CACNA2D2: variants seen among roughly 807,000 people sequenced by gnomAD.
CACNA2D2 encodes calcium voltage-gated channel auxiliary subunit alpha2delta 2, also known as voltage-dependent calcium channel subunit alpha-2/delta-2.
CACNA2D2 carries 48 observed loss-of-function variants against 166.4 expected under a neutral mutation model. The observed-to-expected ratio is 0.29, with a 90% CI of 0.23 to 0.37. The LOEUF (loss-of-function observed/expected upper bound fraction) is 0.37, where lower values mean the gene tolerates loss of function less well. Ranked by LOEUF, CACNA2D2 falls within the 10% of genes least tolerant of loss-of-function variation. The probability of loss-of-function intolerance (pLI) is 1.00; values close to 1 mark genes in which losing one functional copy is unlikely to be tolerated. For missense variants in CACNA2D2, 1,122 were observed against 1,433.0 expected (o/e 0.78, Z 3.50); for synonymous variants, 561 against 573.7 (o/e 0.98, Z 0.32).
chr3:50,364,486 G>T lies in CACNA2D2; in HGVS notation c.*180C>A. 2 of 703,956 alleles carry T rather than the reference G, an allele frequency of 2.8e-6. No individual in the cohort carries two copies. Among genetic ancestry groups the T allele is most frequent in the Non-Finnish European group, 2.3e-6 (1 of 437,416 alleles). 43.6% of individuals were successfully genotyped at this position (703,956 alleles called of 1,614,324 possible). A position where few individuals can be genotyped will look rare whatever the true frequency, so the allele number is the denominator to read the frequency against. On this transcript the variant is annotated 3_prime_UTR_variant, in exon 38 of 38. Transcript: ENST00000424201. ...GATGTGATTTGGGTGCCAAACACCT[G>T]CGGCGTCCCGCTTTGGGACTCCCCA... is the stretch of plus-strand genomic sequence containing the variant.
chr3:50,394,010 G>T, intron 4 of CACNA2D2, 99 bp downstream of exon 4: 2 of 1,038,606 alleles, frequency 1.9e-6, no homozygotes, highest in Non-Finnish European at 3.0e-6. Flanking sequence ...AGACCCCTCT[G>T]TGTCCCTCAT....
chr3:50,397,364 G>C (rs766387018), intron 3 of CACNA2D2, among the ~76,000 whole-genome samples: 28 of 152,318 alleles, frequency 1.8e-4, no homozygotes, highest in Non-Finnish European at 3.5e-4. Context: ...GCCCGGTGGT[G>C]GGGGAGGAAG....
chr3:50,370,942 A>G (rs1704627836), intron 22 of CACNA2D2, among the ~76,000 whole-genome samples: 1 of 152,166 alleles, frequency 6.6e-6, no homozygotes, highest in Non-Finnish European at 1.5e-5. Flanking sequence ...AGGCATCAAC[A>G]TGGCCAAACC....
At chr3:50,416,950 G>A (rs374538818) in intron 3 of CACNA2D2, among the ~76,000 whole-genome samples, 43 of 152,306 alleles carry the variant, frequency 2.8e-4, no homozygotes, top group African/African-American at 9.9e-4. Context: ...TCCCATTCAC[G>A]TGTGTGTGCA....
Position 50,503,507 on chromosome 3 carries a change from G to A in CACNA2D2, c.-84C>T, listed in dbSNP as rs1256487895. On this transcript the variant is annotated 5_prime_UTR_variant, in exon 1 of 38. Coordinates refer to ENST00000424201, the MANE Select transcript of CACNA2D2 (RefSeq NM_006030.4). ...CGGCGGGGTTGGGGGGGCGCGGGCG[G>A]CGGGCGGTAACTCGGCCTCTCCTCC... The A allele has an allele frequency of 5.8e-6, 1 of 170,982 alleles. No homozygotes were observed. Among genetic ancestry groups the A allele is most frequent in the Non-Finnish European group, 1.2e-5 (1 of 81,474 alleles). The allele number at this position is 170,982 out of a possible 1,614,324, so 10.6% of individuals were successfully genotyped here.
At chr3:50,499,636 C>T (rs1698872730) in intron 1 of CACNA2D2, among the ~76,000 whole-genome samples, 1 of 152,208 alleles carries the variant, frequency 6.6e-6, no homozygotes, top group Non-Finnish European at 1.5e-5. Flanking sequence ...GCTGGCAGTG[C>T]CCACCTGCAC....
chr3:50,463,164 C>T (rs1281936689), intron 2 of CACNA2D2, among the ~76,000 whole-genome samples: 1 of 152,218 alleles, frequency 6.6e-6, no homozygotes, highest in Non-Finnish European at 1.5e-5. Flanking sequence ...GATCCCTGGT[C>T]AGGGGTCCCA....
chr3:50,502,992 T>C (rs1699045228), intron 1 of CACNA2D2, among the ~76,000 whole-genome samples: 2 of 151,852 alleles, frequency 1.3e-5, no homozygotes, highest in African/African-American at 4.8e-5. Context: ...ATTCGGGGGA[T>C]TTGGGGGAAG....
rs939596573 is a variant in CACNA2D2, at chr3:50,397,539, A to C, written c.406-3371T>G. ...GCCCCCGAGTCCTGGCCTGGGTTCA[A>C]AGCTTGACTTTCTTGGAGCAGGGTC... On this transcript the variant is annotated intron_variant, in intron 3 of 37. Transcript: ENST00000424201. Among the ~76,000 whole-genome samples, 4 of 152,210 alleles carry C rather than the reference A, an allele frequency of 2.6e-5. No individual in the cohort carries two copies. In the East Asian group the frequency reaches 7.7e-4, roughly 29 times the overall value.
chr3:50,503,464 TGGC>T lies in CACNA2D2; in HGVS notation c.-44_-42del, dbSNP rs530076217. On this transcript the variant is annotated 5_prime_UTR_variant, in exon 1 of 38. Coordinates refer to ENST00000424201, the MANE Select transcript of CACNA2D2 (RefSeq NM_006030.4). ...GCGGCGCCGCGGGGAGGGGGGGCAG[TGGC>T]GGCGGCGGCGGCGGCGGCGGGGTTG... 43 of 74,190 alleles carry T rather than the reference TGGC, an allele frequency of 5.8e-4. No individual in the cohort carries two copies. Among genetic ancestry groups the T allele is most frequent in the East Asian group, 1.1e-3 (3 of 2,742 alleles). The allele number at this position is 74,190 out of a possible 1,614,324, so 4.6% of individuals were successfully genotyped here.
chr3:50,499,375 C>A (rs917666146), intron 1 of CACNA2D2, among the ~76,000 whole-genome samples: 1 of 152,230 alleles, frequency 6.6e-6, no homozygotes, highest in Non-Finnish European at 1.5e-5. Flanking sequence ...AACATCTGGG[C>A]TTAATGCTAA....
chr3:50,407,547 C>T (rs1366644078), intron 3 of CACNA2D2, among the ~76,000 whole-genome samples: 1 of 152,182 alleles, frequency 6.6e-6, no homozygotes, highest in Non-Finnish European at 1.5e-5. Flanking sequence ...GGACCTGGGA[C>T]TGGGCAGACA....
intron 5 of CACNA2D2, among the ~76,000 whole-genome samples, chr3:50,385,847 A>G (rs1020674204): frequency 6.6e-6 from 1 of 152,208 alleles, no homozygotes; most frequent in African/African-American, 2.4e-5. Context: ...AAGCCCCCGA[A>G]ATGTCAGCGG....
intron 2 of CACNA2D2, among the ~76,000 whole-genome samples, chr3:50,449,966 T>G (rs971920923): frequency 6.6e-6 from 1 of 152,064 alleles, no homozygotes; most frequent in African/African-American, 2.4e-5. Context: ...GGGGACATAG[T>G]GGGAGGTGAG....
intron 3 of CACNA2D2, among the ~76,000 whole-genome samples, chr3:50,410,810 C>T (rs556996160): frequency 1.1e-4 from 17 of 152,338 alleles, no homozygotes; most frequent in African/African-American, 3.4e-4. Context: ...GAGGAGGTTT[C>T]TTCCATCTGA....
At position 50,364,457 on chromosome 3, in the gene CACNA2D2, G is replaced by A. The variant is rs1413514771; in HGVS notation, c.*209C>T. 8.1e-6 allele frequency: 5 copies of A among 615,544 alleles called. No individual in the cohort carries two copies. The highest frequency in any genetic ancestry group is 3.7e-5 in the African/African-American group (2 of 54,110). The allele number at this position is 615,544 out of a possible 1,614,324, so 38.1% of individuals were successfully genotyped here. On this transcript the variant is annotated 3_prime_UTR_variant, in exon 38 of 38. Coordinates refer to ENST00000424201, the MANE Select transcript of CACNA2D2 (RefSeq NM_006030.4). ...CTGGGGACACTTGAACAGTTCGGAGGTGAGATGTGATTTGGGTGCCAAACA... is the reference window on the plus strand; with the variant it reads ...CTGGGGACACTTGAACAGTTCGGAGATGAGATGTGATTTGGGTGCCAAACA...
At chr3:50,382,023 A>ACACACACACACAC (rs1559894140) in intron 6 of CACNA2D2, among the ~76,000 whole-genome samples, 2 of 117,192 alleles carry the variant, frequency 1.7e-5, no homozygotes, top group African/African-American at 8.1e-5. Context: ...CACACACACA[A>ACACACACACACAC]ACAAGGCTCC....
intron 1 of CACNA2D2, among the ~76,000 whole-genome samples, chr3:50,502,419 T>C (rs774244369): frequency 1.3e-5 from 2 of 152,200 alleles, no homozygotes; most frequent in Admixed American, 6.5e-5. Flanking sequence ...CACATCTGGC[T>C]AAGCTCACCC....
At chr3:50,388,034 T>C (rs1705699285) in intron 4 of CACNA2D2, among the ~76,000 whole-genome samples, 1 of 152,234 alleles carries the variant, frequency 6.6e-6, no homozygotes, top group East Asian at 1.9e-4. Context: ...TTAAAAAGCC[T>C]GCTCATTACG....
Sources: gnomAD v4.1 joint callset for allele counts (sites outside exome capture counted in the v4.1 genomes callset) on GRCh38, gnomAD v4.1.1 for gene constraint, MANE v1.5 for transcripts, NCBI Gene and HGNC (gene_info 2026-07-23, HGNC 2026-07-21) for gene names.